The following FAM186A variants were observed in gnomAD, a reference collection of about 807,000 sequenced individuals.
FAM186A encodes protein FAM186A.
In FAM186A, 163 loss-of-function variants were observed where a neutral mutation model predicts 216.8. That is an observed-to-expected ratio of 0.75 (90% CI 0.66 to 0.86). FAM186A has a LOEUF of 0.86. Among genes scored for constraint, FAM186A ranks in the 40% least tolerant of loss-of-function variants. The probability of loss-of-function intolerance (pLI) is 0.00; values close to 1 mark genes in which losing one functional copy is unlikely to be tolerated. For synonymous variants in FAM186A, 805 were observed against 1,025.3 expected (o/e 0.79, Z 4.10); for missense variants, 2,184 against 2,746.2 (o/e 0.80, Z 4.58).
At chr12:50,363,972 C>T (rs1465169574) in intron 1 of FAM186A, among the ~76,000 whole-genome samples, 3 of 152,094 alleles carry the variant, frequency 2.0e-5, no homozygotes, top group Non-Finnish European at 4.4e-5. Flanking sequence ...AATCTCTTTT[C>T]TTCACTCTAT....
chr12:50,350,665 G>A lies in FAM186A; in HGVS notation c.6167C>T (p.Thr2056Ile), dbSNP rs1446519970. ...CCATTCCAAAGGTGAAATCTGTGAT[G>A]TTCTGAGTAGAGTAGTGAGAGAAGA... ...SPSSLTTLLR[T>I]SQISPLEWYQ... Residue 2056 changes from threonine (T) to isoleucine (I), a missense_variant, in exon 4 of 8, where the codon ACA (threonine) becomes ATA (isoleucine). Thr to Ile is a moderately conservative substitution (Grantham distance 89). This residue lies in a region of FAM186A where 721 missense variants were observed against 816.4 expected (regional missense o/e 0.88). Coordinates refer to ENST00000327337, the MANE Select transcript of FAM186A (RefSeq NM_001145475.3). The A allele has an allele frequency of 6.4e-7, 1 of 1,551,650 alleles. No homozygotes were observed. The highest frequency in any genetic ancestry group is 1.2e-5 in the South Asian group (1 of 84,060).
rs71083559 is a variant in FAM186A at position 50,392,765 on chromosome 12, ATT to A, written c.192+3526_192+3527del. Among the ~76,000 whole-genome samples the A allele has an allele frequency of 5.0e-3, 596 of 118,468 alleles. 5 individuals carry two copies. The highest frequency in any genetic ancestry group is 0.017 in the African/African-American group (556 of 32,120). 77.7% of individuals were successfully genotyped at this position (118,468 alleles called of 152,430 possible). A position where few individuals can be genotyped will look rare whatever the true frequency, so the allele number is the denominator to read the frequency against. Reference sequence around the variant, plus strand: ...AGTCGTGTGCCACCACACTTGGCTAATTTTTTTTTTTTTTTTTTGGTATTTTT... The same window carrying A: ...AGTCGTGTGCCACCACACTTGGCTAATTTTTTTTTTTTTTTTGGTATTTTT... On this transcript the variant is annotated intron_variant, in intron 1 of 7. Coordinates refer to ENST00000327337, the MANE Select transcript of FAM186A (RefSeq NM_001145475.3).
At chr12:50,386,516 T>G (rs1265422381) in intron 1 of FAM186A, among the ~76,000 whole-genome samples, 1 of 152,126 alleles carries the variant, frequency 6.6e-6, no homozygotes, top group Non-Finnish European at 1.5e-5. Context: ...TGTATAAATA[T>G]ATCAAAACAT....
chr12:50,339,686 C>G (rs1942743096), intron 4 of FAM186A, among the ~76,000 whole-genome samples: 1 of 151,804 alleles, frequency 6.6e-6, no homozygotes. Context: ...CCAGTCTCAT[C>G]TCTTACTACA....
At chr12:50,363,512 T>C in intron 1 of FAM186A, 148 bp from the exon 2 acceptor site, 1 of 724,960 alleles carries the variant, frequency 1.4e-6, no homozygotes, top group Non-Finnish European at 2.2e-6. Flanking sequence ...GTCTCAAATT[T>C]TCCCTCTTAA....
At chr12:50,387,193 T>A (rs1181014308) in intron 1 of FAM186A, among the ~76,000 whole-genome samples, 2 of 152,162 alleles carry the variant, frequency 1.3e-5, no homozygotes, top group Non-Finnish European at 2.9e-5. Flanking sequence ...CAGACACCAG[T>A]CACAAATCCA....
chr12:50,379,945 G>T (rs769629989), intron 1 of FAM186A, among the ~76,000 whole-genome samples: 9 of 122,610 alleles, frequency 7.3e-5, no homozygotes, highest in Non-Finnish European at 3.4e-5. Flanking sequence ...TACATATAGG[G>T]TGTATGTGGG....
chr12:50,329,572 C>T (rs1942636632), intron 7 of FAM186A, among the ~76,000 whole-genome samples: 1 of 151,490 alleles, frequency 6.6e-6, no homozygotes, highest in Admixed American at 6.6e-5. Context: ...CTGTCTGCCA[C>T]CTGGACAAAT....
chr12:50,365,635 A>T lies in FAM186A; in HGVS notation c.193-2271T>A, dbSNP rs1021130888. 9 of 596,834 alleles carry T rather than the reference A, an allele frequency of 1.5e-5. No individual in the cohort carries two copies. The Admixed American group carries it at 2.3e-4, about 15-fold the overall frequency. 37.0% of individuals were successfully genotyped at this position (596,834 alleles called of 1,614,324 possible). ...CTCTTCCCTTTTGCCGCCATCTCCA[A>T]AGCCGGAGTGGCCAAAATGAAGTTC... is the stretch of plus-strand genomic sequence containing the variant. On this transcript the variant is annotated intron_variant, in intron 1 of 7. Transcript: ENST00000327337.
rs573500093 is a variant in FAM186A at position 50,365,831 on chromosome 12, A to T, written c.193-2467T>A. ...ATGATGAAGTTCAGGTTGTATGAGG[A>T]CACCATAAAGGTCAGCAAATTGGCA... On this transcript the variant is annotated intron_variant, in intron 1 of 7. Coordinates refer to ENST00000327337, the MANE Select transcript of FAM186A (RefSeq NM_001145475.3). 97 of 760,794 alleles carry T rather than the reference A, an allele frequency of 1.3e-4. No homozygotes were observed. The African/African-American group carries it at 1.5e-3, about 12-fold the overall frequency. The allele number at this position is 760,794 out of a possible 1,614,324, so 47.1% of individuals were successfully genotyped here. A position where few individuals can be genotyped will look rare whatever the true frequency, so the allele number is the denominator to read the frequency against.
rs991553646 is a variant in FAM186A at position 50,354,722 on chromosome 12, T to G, written c.2110A>C (p.Lys704Gln). 2.6e-6 allele frequency: 4 copies of G among 1,548,278 alleles called. No homozygotes were observed. The highest frequency in any genetic ancestry group is 3.5e-6 in the Non-Finnish European group (4 of 1,146,476). The change falls in exon 4 of 8, where the codon AAA becomes CAA. Residue 704 changes from lysine (K) to glutamine (Q), a missense_variant. Physicochemically the swap from Lys to Gln is moderately conservative, Grantham distance 53 (BLOSUM62 1). Coordinates refer to ENST00000327337, the MANE Select transcript of FAM186A (RefSeq NM_001145475.3). Reference sequence around the variant, plus strand: ...CCTAATTTTTCAGCTTCTGCTCTTTTTAATAACTCCTCTTCCTTCGGAACA... The same window carrying G: ...CCTAATTTTTCAGCTTCTGCTCTTTGTAATAACTCCTCTTCCTTCGGAACA... ...KTVPKEEELL[K>Q]RAEAEKLGII...
intron 1 of FAM186A, among the ~76,000 whole-genome samples, chr12:50,373,052 AAAGAAAG>A: frequency 6.7e-6 from 1 of 149,936 alleles, no homozygotes; most frequent in African/African-American, 2.4e-5. Flanking sequence ...AGAAAGAAAG[AAAGAAAG>A]AAAGAAAGAA....
chr12:50,384,136 A>T (rs1943280477), intron 1 of FAM186A, among the ~76,000 whole-genome samples: 1 of 151,784 alleles, frequency 6.6e-6, no homozygotes, highest in Admixed American at 6.6e-5. Flanking sequence ...AAAGAAAGAA[A>T]TCCTAAGATA....
intron 3 of FAM186A, among the ~76,000 whole-genome samples, chr12:50,358,922 C>A (rs370649796): frequency 0.014 from 1,695 of 118,102 alleles, no homozygotes; most frequent in Middle Eastern, 0.019. Flanking sequence ...GACTCTGTCT[C>A]AAAAAAAAAA....
intron 1 of FAM186A, among the ~76,000 whole-genome samples, chr12:50,389,919 A>G (rs964003761): frequency 6.6e-6 from 1 of 152,034 alleles, no homozygotes; most frequent in Non-Finnish European, 1.5e-5. Flanking sequence ...CAGGAATGGG[A>G]TATTTGTTTT....
At chr12:50,344,754 C>T (rs973926203) in intron 4 of FAM186A, among the ~76,000 whole-genome samples, 2 of 152,032 alleles carry the variant, frequency 1.3e-5, no homozygotes, top group African/African-American at 2.4e-5. Context: ...ATAACTTGAG[C>T]CCAGGAGTTC....
At chr12:50,384,244 C>T (rs968821805) in intron 1 of FAM186A, among the ~76,000 whole-genome samples, 2 of 151,656 alleles carry the variant, frequency 1.3e-5, no homozygotes, top group East Asian at 1.9e-4. Flanking sequence ...AAGACCAGCC[C>T]GGGCAACATA....
chr12:50,363,102 A>T (rs1174052199), intron 2 of FAM186A, 43 bp downstream of exon 2: 3 of 1,438,306 alleles, frequency 2.1e-6, no homozygotes, highest in Non-Finnish European at 1.9e-6. Flanking sequence ...TCTCTTTTTC[A>T]TTAACTTTAT....
chr12:50,347,940 T>TTGCCTCACTGCAACCTC (rs1942835780), intron 4 of FAM186A, among the ~76,000 whole-genome samples: 1 of 152,192 alleles, frequency 6.6e-6, no homozygotes, highest in Admixed American at 6.5e-5. Context: ...CGGCACAGTC[T>TTGCCTCACTGCAACCTC]TGCCTCACTG....
Sources: gnomAD v4.1 joint callset for allele counts (sites outside exome capture counted in the v4.1 genomes callset) on GRCh38, gnomAD v4.1.1 for gene constraint, gnomAD v4.1.1 regional missense constraint, MANE v1.5 for transcripts, NCBI Gene and HGNC (gene_info 2026-07-23, HGNC 2026-07-21) for gene names.